Variants in PLEKHG1 observed in about 807,000 individuals in gnomAD.
The protein encoded by PLEKHG1 is pleckstrin homology domain-containing family G member 1.
Under a neutral mutation model 100.8 loss-of-function variants are expected in PLEKHG1, and 44 were observed. The ratio of observed to expected loss-of-function variants is 0.44; its 90% confidence interval spans 0.34 to 0.56. The LOEUF (loss-of-function observed/expected upper bound fraction) is 0.56. Ranked by LOEUF, PLEKHG1 falls within the 20% of genes least tolerant of loss-of-function variation. The pLI is 0.01. For synonymous variants in PLEKHG1, 640 were observed against 662.5 expected (o/e 0.97, Z 0.52); for missense variants, 1,545 against 1,720.9 (o/e 0.90, Z 1.81).
intron 1 of PLEKHG1, among the ~76,000 whole-genome samples, chr6:150,726,724 T>C (rs540482145): frequency 4.2e-4 from 64 of 152,270 alleles, no homozygotes; most frequent in African/African-American, 1.5e-3. Context: ...ATGAAAATCA[T>C]GTTCCCTGAA....
chr6:150,828,516 G>A (rs1776739554), intron 14 of PLEKHG1: 1 of 757,394 alleles, frequency 1.3e-6, no homozygotes, highest in Non-Finnish European at 2.0e-6. Flanking sequence ...TTTACATTTT[G>A]GAAATAATCA....
At position 150,692,457 on chromosome 6, in the gene PLEKHG1, A is replaced by C. The variant is rs77471028; in HGVS notation, c.-98-41127A>C. ...TATGATCATGGGCTGATGATTCAAT[A>C]AATATTCACTGAGCAGCTGCTATGT... On this transcript the variant is annotated intron_variant, in intron 3 of 3. Coordinates refer to the PLEKHG1 transcript ENST00000367326. Among the ~76,000 whole-genome samples, 627 of 152,350 alleles carry C rather than the reference A, an allele frequency of 4.1e-3. 11 individuals are homozygous for C. Among genetic ancestry groups the C allele is most frequent in the East Asian group, 0.041 (213 of 5,184 alleles).
chr6:150,604,302 C>T (rs1776494703), intron 1 of PLEKHG1, among the ~76,000 whole-genome samples: 1 of 152,076 alleles, frequency 6.6e-6, no homozygotes, highest in African/African-American at 2.4e-5. Context: ...ATTTAAATGG[C>T]CTGTGACTGT....
chr6:150,788,798 G>A (rs1047114630), intron 4 of PLEKHG1, among the ~76,000 whole-genome samples: 6 of 152,060 alleles, frequency 3.9e-5, no homozygotes, highest in East Asian at 3.9e-4. Context: ...ACTCTCCCTC[G>A]TTGTGTGGCT....
Position 150,831,970 on chromosome 6 carries a change from C to G in PLEKHG1, c.2859C>G (p.Gly953=). Residue 953 remains glycine, a synonymous_variant, in exon 15 of 16, where the codon GGC becomes GGG. Transcript: ENST00000358517. This position sits in a 1 kb window ranked among gnomAD's most constrained non-coding sequence, Gnocchi z 4.1. ...ATCCCTACGACCTGGCCAACAGTGGCCTGTCTCAAACAGACCCAGAAAACC... is the reference window on the plus strand; with the variant it reads ...ATCCCTACGACCTGGCCAACAGTGGGCTGTCTCAAACAGACCCAGAAAACC... The G allele has an allele frequency of 1.2e-6, 2 of 1,613,454 alleles. No homozygotes were observed. Among genetic ancestry groups the G allele is most frequent in the Non-Finnish European group, 1.7e-6 (2 of 1,179,540 alleles).
chr6:150,653,350 A>C (rs1778824913), intron 3 of PLEKHG1, among the ~76,000 whole-genome samples: 1 of 152,130 alleles, frequency 6.6e-6, no homozygotes, highest in East Asian at 1.9e-4. Context: ...AAATTGTCCA[A>C]GGGCCACAAA....
intron 1 of PLEKHG1, among the ~76,000 whole-genome samples, chr6:150,628,580 CG>C: frequency 2.6e-5 from 1 of 38,024 alleles, no homozygotes; most frequent in East Asian, 7.8e-4. Flanking sequence ...ACACACACCC[CG>C]TCCTTGCCCT....
At chr6:150,840,927 T>C in exon 16 of PLEKHG1, 1 of 1,506,968 alleles carries the variant, frequency 6.6e-7, no homozygotes, top group South Asian at 1.1e-5. Flanking sequence ...TGAATCAACT[T>C]CTTATTTTGC....
chr6:150,736,415 G>A (rs1241254424), intron 2 of PLEKHG1, among the ~76,000 whole-genome samples: 1 of 152,212 alleles, frequency 6.6e-6, no homozygotes, highest in Non-Finnish European at 1.5e-5. Flanking sequence ...CCTTCTCTAA[G>A]TTTGCTAGCT....
chr6:150,686,544 G>A (rs1562436038), intron 3 of PLEKHG1, among the ~76,000 whole-genome samples: 1 of 152,210 alleles, frequency 6.6e-6, no homozygotes, highest in African/African-American at 2.4e-5. Context: ...GAAGCATCGA[G>A]AATGATCACT....
chr6:150,715,110 A>G (rs1158781220), intron 3 of PLEKHG1, among the ~76,000 whole-genome samples: 1 of 152,124 alleles, frequency 6.6e-6, no homozygotes, highest in Non-Finnish European at 1.5e-5. Flanking sequence ...ACTGACAGGT[A>G]TTTTTTAAAT....
At chr6:150,726,279 T>C (rs1781959166) in intron 1 of PLEKHG1, among the ~76,000 whole-genome samples, 1 of 152,162 alleles carries the variant, frequency 6.6e-6, no homozygotes, top group Non-Finnish European at 1.5e-5. Flanking sequence ...TATTGTAAAA[T>C]GTTTAATAAT....
intron 1 of PLEKHG1, among the ~76,000 whole-genome samples, chr6:150,725,905 T>C (rs1781940452): frequency 6.6e-6 from 1 of 152,100 alleles, no homozygotes; most frequent in Non-Finnish European, 1.5e-5. Context: ...ATGTGGCACA[T>C]ACACATAATG....
At chr6:150,769,616 A>G (rs1406443055) in intron 3 of PLEKHG1, among the ~76,000 whole-genome samples, 1 of 151,876 alleles carries the variant, frequency 6.6e-6, no homozygotes, top group Non-Finnish European at 1.5e-5. Flanking sequence ...AAGAAAAAAG[A>G]AAAAGAAAAA....
At chr6:150,767,881 C>G (rs1425856329) in intron 2 of PLEKHG1, among the ~76,000 whole-genome samples, 1 of 152,162 alleles carries the variant, frequency 6.6e-6, no homozygotes, top group Non-Finnish European at 1.5e-5. Flanking sequence ...GTTTTCCTGC[C>G]TCCTACAGAA....
intron 3 of PLEKHG1, among the ~76,000 whole-genome samples, chr6:150,671,669 T>G (rs1420524689): frequency 6.6e-6 from 1 of 152,194 alleles, no homozygotes; most frequent in Non-Finnish European, 1.5e-5. Context: ...CCCAAGTATA[T>G]TATTTTAAAT....
At chr6:150,776,610 G>T (rs538751544) in intron 3 of PLEKHG1, among the ~76,000 whole-genome samples, 3 of 134,990 alleles carry the variant, frequency 2.2e-5, no homozygotes, top group Admixed American at 1.5e-4. Flanking sequence ...ATGCAGTCCT[G>T]GTGCACATGT....
intron 10 of PLEKHG1, among the ~76,000 whole-genome samples, chr6:150,816,081 G>A (rs1410006109): frequency 6.6e-6 from 1 of 152,148 alleles, no homozygotes; most frequent in Non-Finnish European, 1.5e-5. Flanking sequence ...CCCTGAGCTT[G>A]TTCTAGCCCT....
chr6:150,726,662 G>A (rs1306524426), intron 1 of PLEKHG1, among the ~76,000 whole-genome samples: 1 of 151,800 alleles, frequency 6.6e-6, no homozygotes, highest in Non-Finnish European at 1.5e-5. Flanking sequence ...AGGGTAACAA[G>A]ATTTTTTTTT....
Sources: allele counts gnomAD v4.1 joint callset (sites outside exome capture counted in the v4.1 genomes callset), GRCh38; gene constraint gnomAD v4.1.1; non-coding constraint Gnocchi (gnomAD v3.1); transcripts MANE v1.5; gene names NCBI Gene and HGNC (gene_info 2026-07-23, HGNC 2026-07-21).